Variants in TLN2 observed in about 807,000 individuals in gnomAD.
TLN2 encodes talin-2.
Under a neutral mutation model 294.7 loss-of-function variants are expected in TLN2, and 118 were observed. That is an observed-to-expected ratio of 0.40 (90% CI 0.34 to 0.47). TLN2 has a LOEUF of 0.47. TLN2 is among the 20% of genes least tolerant of loss of function. The probability of loss-of-function intolerance (pLI) is 0.84; values close to 1 mark genes in which losing one functional copy is unlikely to be tolerated. For synonymous variants in TLN2, 1,431 were observed against 1,304.5 expected (o/e 1.10, Z -2.09); for missense variants, 3,083 against 3,282.2 (o/e 0.94, Z 1.48).
chr15:62,403,023 A>C (rs2033140956), intron 1 of TLN2, among the ~76,000 whole-genome samples: 1 of 152,096 alleles, frequency 6.6e-6, no homozygotes, highest in South Asian at 2.1e-4. Flanking sequence ...GCGGATCACG[A>C]GGTCTGGAGT....
At chr15:62,698,480 T>C (rs1404538180) in intron 15 of TLN2, among the ~76,000 whole-genome samples, 2 of 152,228 alleles carry the variant, frequency 1.3e-5, no homozygotes, top group African/African-American at 2.4e-5. Context: ...CAGCAAGGAC[T>C]CTTCTGAGCC....
At chr15:62,472,087 T>A (rs1212545090) in intron 1 of TLN2, among the ~76,000 whole-genome samples, 1 of 152,200 alleles carries the variant, frequency 6.6e-6, no homozygotes, top group African/African-American at 2.4e-5. Flanking sequence ...ATTCAGCTCC[T>A]GTTCCCACCT....
chr15:62,755,216 GAT>G, intron 36 of TLN2: 1 of 233,528 alleles, frequency 4.3e-6, no homozygotes, highest in South Asian at 1.4e-4. Context: ...CCTTGGTCTA[GAT>G]GCTATACCCT....
chr15:62,458,378 C>G (rs779604780), intron 1 of TLN2, among the ~76,000 whole-genome samples: 8 of 152,128 alleles, frequency 5.3e-5, no homozygotes, highest in Non-Finnish European at 7.3e-5. Context: ...GACTTGGCTC[C>G]TTGTGCCTTT....
chr15:62,514,295 A>T (rs1488576769), intron 1 of TLN2, among the ~76,000 whole-genome samples: 1 of 152,216 alleles, frequency 6.6e-6, no homozygotes, highest in Non-Finnish European at 1.5e-5. Flanking sequence ...TGAAAAAAAT[A>T]ACCATAAAAC....
intron 9 of TLN2, among the ~76,000 whole-genome samples, 196 bp from the exon 10 acceptor site, chr15:62,673,631 A>G (rs1224717104): frequency 6.8e-6 from 1 of 146,766 alleles, no homozygotes; most frequent in Admixed American, 6.8e-5. Context: ...TGTTAGTTTG[A>G]CCTTTTCTAT....
Position 62,766,389 on chromosome 15 carries a change from G to A in TLN2, c.5163G>A (p.Ala1721=), listed in dbSNP as rs746818656. ...IGHLIDPIAT[A]ARGEAAQLGH... ...ACCTTATCGATCCCATCGCCACAGC[G>A]GCTCGGGGAGAAGCAGCTCAGCTGG... Residue 1721 remains alanine (A), a synonymous_variant, in exon 41 of 59, where the codon GCG becomes GCA. Transcript: ENST00000636159. The A allele has an allele frequency of 4.3e-5, 70 of 1,612,224 alleles. No homozygotes were observed. Among genetic ancestry groups the A allele is most frequent in the Non-Finnish European group, 5.3e-5 (63 of 1,178,532 alleles).
chr15:62,697,919 T>C, intron 15 of TLN2, 51 bp downstream of exon 15: 1 of 1,587,678 alleles, frequency 6.3e-7, no homozygotes, highest in Non-Finnish European at 8.6e-7. Flanking sequence ...GCCTCCCGCA[T>C]GCAGGGTGGA....
At chr15:62,705,983 T>C (rs2059036790) in intron 19 of TLN2, among the ~76,000 whole-genome samples, 2 of 152,246 alleles carry the variant, frequency 1.3e-5, no homozygotes, top group Admixed American at 6.5e-5. Context: ...TTGTATCTAG[T>C]CTTTGTTCTA....
At chr15:62,544,636 G>A (rs1312097266) in intron 1 of TLN2, among the ~76,000 whole-genome samples, 1 of 152,132 alleles carries the variant, frequency 6.6e-6, no homozygotes, top group Non-Finnish European at 1.5e-5. Context: ...ATCTGCCACT[G>A]CGCCATCCTA....
At chr15:62,792,265 C>T (rs1397802278) in intron 45 of TLN2, among the ~76,000 whole-genome samples, 1 of 152,198 alleles carries the variant, frequency 6.6e-6, no homozygotes, top group East Asian at 1.9e-4. Flanking sequence ...GAGGCCTTGA[C>T]ACACAATAGG....
chr15:62,632,666 C>T (rs1046337619), intron 3 of TLN2, among the ~76,000 whole-genome samples: 27 of 152,168 alleles, frequency 1.8e-4, no homozygotes, highest in African/African-American at 6.5e-4. Flanking sequence ...GTATCTTGTG[C>T]ATTATAGGTT....
chr15:62,445,223 T>C (rs1018174213), intron 1 of TLN2, among the ~76,000 whole-genome samples: 95 of 152,184 alleles, frequency 6.2e-4, no homozygotes, highest in Non-Finnish European at 1.3e-3. Context: ...GTCGTTCTTA[T>C]CCCTGCCAGT....
intron 19 of TLN2, among the ~76,000 whole-genome samples, chr15:62,705,734 A>AT (rs1302506806): frequency 1.4e-4 from 21 of 152,246 alleles, no homozygotes; most frequent in African/African-American, 5.1e-4. Flanking sequence ...ATGTCCAGGA[A>AT]TTGTAACTTT....
intron 1 of TLN2, among the ~76,000 whole-genome samples, chr15:62,423,658 G>T (rs1160870112): frequency 6.6e-6 from 1 of 151,692 alleles, no homozygotes; most frequent in Non-Finnish European, 1.5e-5. Context: ...TCGGCTCACT[G>T]CAATATCCGT....
At chr15:62,727,794 T>C (rs2060517467) in intron 28 of TLN2, among the ~76,000 whole-genome samples, 1 of 152,216 alleles carries the variant, frequency 6.6e-6, no homozygotes, top group African/African-American at 2.4e-5. Context: ...TCTATACATA[T>C]CTCAAATTTT....
intron 1 of TLN2, among the ~76,000 whole-genome samples, chr15:62,472,208 C>T (rs115692689): frequency 6.6e-6 from 1 of 152,148 alleles, no homozygotes; most frequent in Non-Finnish European, 1.5e-5. Flanking sequence ...GTGTGCAAGT[C>T]ATTTTTTCCA....
intron 11 of TLN2, among the ~76,000 whole-genome samples, chr15:62,684,418 C>T (rs2057118431): frequency 6.6e-6 from 1 of 152,224 alleles, no homozygotes; most frequent in African/African-American, 2.4e-5. Context: ...CTGACATTGT[C>T]TGCCCTGCAC....
intron 54 of TLN2, among the ~76,000 whole-genome samples, chr15:62,826,465 G>A (rs914445929): frequency 9.2e-5 from 14 of 152,154 alleles, no homozygotes; most frequent in African/African-American, 3.1e-4. Flanking sequence ...GGTCTCTCTG[G>A]AGCTTTCCCT....
Sources: gnomAD v4.1 joint callset for allele counts (sites outside exome capture counted in the v4.1 genomes callset) on GRCh38, gnomAD v4.1.1 for gene constraint, MANE v1.5 for transcripts, NCBI Gene and HGNC (gene_info 2026-07-23, HGNC 2026-07-21) for gene names.